FBXL7: variants seen among roughly 807,000 people sequenced by gnomAD.
The protein encoded by FBXL7 is F-box/LRR-repeat protein 7.
A neutral mutation model predicts 38.3 loss-of-function variants in FBXL7; 12 were observed. The ratio of observed to expected loss-of-function variants is 0.31; its 90% CI spans 0.20 to 0.51. FBXL7 has a LOEUF of 0.51. Among genes scored for constraint, FBXL7 ranks in the 20% least tolerant of loss-of-function variants. The probability of loss-of-function intolerance (pLI) is 0.98; values close to 1 mark genes in which losing one functional copy is unlikely to be tolerated. For missense variants in FBXL7, 567 were observed against 676.4 expected (o/e 0.84, Z 1.79); for synonymous variants, 297 against 300.9 (o/e 0.99, Z 0.13).
chr5:15,607,190 G>T (rs930341858), intron 1 of FBXL7: 1 of 152,124 alleles, frequency 6.6e-6, no homozygotes, highest in African/African-American at 2.4e-5. Context: ...ATTAAATCAG[G>T]TTCTCATGGT....
intron 2 of FBXL7, among the ~76,000 whole-genome samples, chr5:15,693,236 C>A (rs1217352554): frequency 6.6e-6 from 1 of 152,112 alleles, no homozygotes; most frequent in African/African-American, 2.4e-5. Context: ...CTGGAATTTG[C>A]AGAGCCTGGA....
chr5:15,922,858 T>C lies in FBXL7; in HGVS notation c.128-5032T>C, dbSNP rs548608906. Among the ~76,000 whole-genome samples the C allele has an allele frequency of 6.0e-4, 91 of 152,322 alleles. 3 individuals carry two copies. The South Asian group carries it at 0.018, about 30-fold the overall frequency. ...TATCCCCTTAGTGTTACTGCTAAAC[T>C]GTATTTTAGCCCAATGCATATCATC... On this transcript the variant is annotated intron_variant, in intron 2 of 3. Transcript: ENST00000504595.
intron 1 of FBXL7, among the ~76,000 whole-genome samples, chr5:15,533,804 G>A (rs1307837689): frequency 2.0e-5 from 3 of 152,112 alleles, no homozygotes; most frequent in African/African-American, 7.2e-5. Flanking sequence ...ATATAGGGAG[G>A]ATTAGGGTTT....
Position 15,928,006 on chromosome 5 carries a change from G to C in FBXL7, c.244G>C (p.Gly82Arg), listed in dbSNP as rs778728365. ...GTCCACCTCCTCGTCCTCCATCACC[G>C]GGGAGACGGTGGCCATGGTGCACTC... is the stretch of plus-strand genomic sequence containing the variant. ...GSSTSSSSIT[G>R]ETVAMVHSPP... The change falls in exon 3 of 4, where the codon GGG becomes CGG. Residue 82 changes from glycine (G) to arginine (R), a missense_variant. Coordinates refer to ENST00000504595, the MANE Select transcript of FBXL7 (RefSeq NM_012304.5). This position sits in a 1 kb window ranked among gnomAD's most constrained non-coding sequence, Gnocchi z 4.0. 6.2e-7 allele frequency: 1 copy of C among 1,603,400 alleles called. No homozygotes were observed. Among genetic ancestry groups the C allele is most frequent in the East Asian group, 2.2e-5 (1 of 44,698 alleles).
intron 2 of FBXL7, among the ~76,000 whole-genome samples, chr5:15,779,766 A>G (rs1736945929): frequency 6.6e-6 from 1 of 152,148 alleles, no homozygotes. Flanking sequence ...TAAGTTTTTG[A>G]TTTATAGCTT....
At chr5:15,866,537 T>C (rs1739717930) in intron 2 of FBXL7, among the ~76,000 whole-genome samples, 1 of 151,826 alleles carries the variant, frequency 6.6e-6, no homozygotes, top group South Asian at 2.1e-4. Flanking sequence ...GCCCATTACT[T>C]TTTTTTTATT....
intron 1 of FBXL7, among the ~76,000 whole-genome samples, chr5:15,518,873 A>G (rs1737018109): frequency 6.6e-6 from 1 of 152,092 alleles, no homozygotes; most frequent in African/African-American, 2.4e-5. Flanking sequence ...TTTGGCTTGC[A>G]CATATTTATT....
intron 2 of FBXL7, among the ~76,000 whole-genome samples, chr5:15,724,526 C>A (rs903874292): frequency 6.6e-6 from 1 of 152,138 alleles, no homozygotes; most frequent in South Asian, 2.1e-4. Flanking sequence ...CTCCAGGAAA[C>A]CATGAATTCA....
intron 2 of FBXL7, among the ~76,000 whole-genome samples, chr5:15,692,616 T>A (rs908497512): frequency 6.6e-6 from 1 of 152,148 alleles, no homozygotes; most frequent in Non-Finnish European, 1.5e-5. Flanking sequence ...GCCATAGAAG[T>A]GGGGACTTCA....
intron 2 of FBXL7, among the ~76,000 whole-genome samples, chr5:15,924,300 A>G (rs1243996251): frequency 6.6e-6 from 1 of 152,228 alleles, no homozygotes; most frequent in Non-Finnish European, 1.5e-5. Context: ...TTATTTTTTA[A>G]CATATACTTC....
intron 2 of FBXL7, among the ~76,000 whole-genome samples, chr5:15,718,548 G>T (rs1457640035): frequency 2.0e-5 from 3 of 152,122 alleles, no homozygotes; most frequent in African/African-American, 7.2e-5. Context: ...AAATAAGCAA[G>T]GAAATAAAAT....
At chr5:15,795,751 A>G (rs1579469428) in intron 2 of FBXL7, among the ~76,000 whole-genome samples, 2 of 152,252 alleles carry the variant, frequency 1.3e-5, no homozygotes, top group South Asian at 4.2e-4. Flanking sequence ...GGAGAAGGTA[A>G]TATGTTTATT....
chr5:15,716,860 A>C (rs1258301361), intron 2 of FBXL7, among the ~76,000 whole-genome samples: 1 of 152,182 alleles, frequency 6.6e-6, no homozygotes, highest in African/African-American at 2.4e-5. Flanking sequence ...GAATGGAATC[A>C]TTATTTTTAT....
At chr5:15,555,695 C>T (rs1406903584) in intron 1 of FBXL7, among the ~76,000 whole-genome samples, 1 of 151,864 alleles carries the variant, frequency 6.6e-6, no homozygotes, top group Non-Finnish European at 1.5e-5. Context: ...CCATTGCAGT[C>T]CTCTGGTTAG....
chr5:15,671,609 C>G (rs181477525), intron 2 of FBXL7, among the ~76,000 whole-genome samples: 3 of 152,236 alleles, frequency 2.0e-5, no homozygotes, highest in African/African-American at 4.8e-5. Context: ...TGAGATGAAA[C>G]TAATTCCTCT....
At chr5:15,610,046 AG>A (rs373341146) in intron 1 of FBXL7, among the ~76,000 whole-genome samples, 55 of 152,320 alleles carry the variant, frequency 3.6e-4, no homozygotes, top group African/African-American at 1.2e-3. Context: ...GCCAAGTGAA[AG>A]GGGAAAACAC....
At chr5:15,640,096 A>C (rs1273848743) in intron 2 of FBXL7, among the ~76,000 whole-genome samples, 1 of 152,176 alleles carries the variant, frequency 6.6e-6, no homozygotes, top group Non-Finnish European at 1.5e-5. Flanking sequence ...GTATTAGTCT[A>C]TATTCATTTC....
chr5:15,712,274 T>C (rs1388869989), intron 2 of FBXL7, among the ~76,000 whole-genome samples: 1 of 151,516 alleles, frequency 6.6e-6, no homozygotes, highest in Non-Finnish European at 1.5e-5. Flanking sequence ...TTTATACAAT[T>C]TATATCTCCA....
intron 2 of FBXL7, among the ~76,000 whole-genome samples, chr5:15,849,041 C>T (rs1579517301): frequency 6.6e-6 from 1 of 152,210 alleles, no homozygotes; most frequent in South Asian, 2.1e-4. Flanking sequence ...AATGATTGCT[C>T]TAGTAATGTG....
Sources: allele counts gnomAD v4.1 joint callset (sites outside exome capture counted in the v4.1 genomes callset), GRCh38; gene constraint gnomAD v4.1.1; non-coding constraint Gnocchi (gnomAD v3.1); transcripts MANE v1.5; gene names NCBI Gene and HGNC (gene_info 2026-07-23, HGNC 2026-07-21).